Variants in USP26 observed in about 807,000 individuals in gnomAD.
USP26 encodes the protein ubiquitin carboxyl-terminal hydrolase 26.
For synonymous variants in USP26, 236 were observed against 240.6 expected (o/e 0.98, Z 0.18); for missense variants, 649 against 642.3 (o/e 1.01, Z -0.11).
intron 5 of USP26, among the ~76,000 whole-genome samples, chrX:133,073,530 G>A (rs2067537068): frequency 9.1e-6 from 1 of 110,247 alleles, no homozygotes; most frequent in Non-Finnish European, 1.9e-5. Context: ...CAAAGGTAGC[G>A]CTTACTACTT....
intron 5 of USP26, among the ~76,000 whole-genome samples, chrX:133,057,663 T>C (rs2148531739): frequency 9.4e-6 from 1 of 106,221 alleles, no homozygotes; most frequent in African/African-American, 3.4e-5. Flanking sequence ...CTACAGATTT[T>C]GGTAAGTTGT....
intron 5 of USP26, among the ~76,000 whole-genome samples, chrX:133,058,727 C>T (rs770832672): frequency 8.9e-6 from 1 of 112,029 alleles, no homozygotes; most frequent in African/African-American, 3.2e-5. Context: ...CATATTCATA[C>T]AATTCACATT....
chrX:133,077,716 C>T (rs760406949), intron 5 of USP26, among the ~76,000 whole-genome samples: 1 of 111,428 alleles, frequency 9.0e-6, no homozygotes, highest in East Asian at 2.9e-4. Flanking sequence ...TGGGGCGGAT[C>T]CCTCATGAAT....
At chrX:133,034,858 T>C (rs926361345) in intron 5 of USP26, among the ~76,000 whole-genome samples, 1 of 106,923 alleles carries the variant, frequency 9.4e-6, no homozygotes, top group Non-Finnish European at 1.9e-5. Context: ...CCATGTCTCT[T>C]ACAAAAAAAA....
intron 5 of USP26, among the ~76,000 whole-genome samples, chrX:133,081,272 G>T (rs1381260701): frequency 1.1e-5 from 1 of 93,666 alleles, no homozygotes; most frequent in Non-Finnish European, 2.2e-5. Context: ...ATGATAAAAA[G>T]ATGATGATTA....
intron 5 of USP26, among the ~76,000 whole-genome samples, chrX:133,041,639 T>G (rs1342809884): frequency 8.9e-6 from 1 of 112,362 alleles, no homozygotes; most frequent in Non-Finnish European, 1.9e-5. Flanking sequence ...CAACCCCTGT[T>G]GGGAAGTCTC....
At chrX:133,054,090 G>C (rs753697806) in intron 5 of USP26, among the ~76,000 whole-genome samples, 3 of 111,525 alleles carry the variant, frequency 2.7e-5, no homozygotes, top group Non-Finnish European at 5.7e-5. Context: ...CTCTAAGAAT[G>C]TCTGCCTAAT....
At chrX:133,089,005 A>C (rs957964959) in intron 4 of USP26, among the ~76,000 whole-genome samples, 1 of 110,153 alleles carries the variant, frequency 9.1e-6, no homozygotes, top group African/African-American at 3.3e-5. Flanking sequence ...AATAACAACA[A>C]TGATTTCCAC....
intron 5 of USP26, among the ~76,000 whole-genome samples, chrX:133,069,461 G>A (rs1396534754): frequency 9.0e-6 from 1 of 110,948 alleles, no homozygotes; most frequent in Non-Finnish European, 1.9e-5. Context: ...GTGGTGGGGA[G>A]TGCACTGCAG....
rs766272665 is a variant in USP26 at position 133,045,459 on chromosome X, C to T, written c.-76-17163G>A. Among the ~76,000 whole-genome samples, 5 of 112,202 alleles carry T rather than the reference C, an allele frequency of 4.5e-5. No homozygotes were observed. The South Asian group carries it at 1.9e-3, about 42-fold the overall frequency. On this transcript the variant is annotated intron_variant, in intron 5 of 5. Coordinates refer to ENST00000511190, the MANE Select transcript of USP26 (RefSeq NM_031907.3). Reference sequence around the variant, plus strand: ...GGCAACCCACTGGAGTCCTCTTCCACACTGTGGAAACTTTGTTCTTTCACT... The same window carrying T: ...GGCAACCCACTGGAGTCCTCTTCCATACTGTGGAAACTTTGTTCTTTCACT...
Position 133,025,526 on chromosome X carries a change from C to A in USP26, c.2695G>T (p.Ala899Ser), listed in dbSNP as rs755893825. The A allele has an allele frequency of 1.7e-6, 2 of 1,211,274 alleles. No homozygotes were observed. The highest frequency in any genetic ancestry group is 1.1e-6 in the Non-Finnish European group (1 of 895,294). Residue 899 changes from alanine (A) to serine (S), a missense_variant, in exon 6 of 6, where the codon GCC becomes TCC. Transcript: ENST00000511190. ...TCTACCTCCTTGCTATTAAGCTGGGCATTCTCTTCTCTTTTCAACATCTCT... is the reference window on the plus strand; with the variant it reads ...TCTACCTCCTTGCTATTAAGCTGGGAATTCTCTTCTCTTTTCAACATCTCT... ...FEEMLKREEN[A>S]QLNSKEVEET...
At position 133,026,920 on chromosome X, in the gene USP26, AC is replaced by A. The variant is rs1452122298; in HGVS notation, c.1300del (p.Val434SerfsTer7). The A allele has an allele frequency of 9.1e-6, 11 of 1,209,732 alleles. No individual in the cohort carries two copies. The highest frequency in any genetic ancestry group is 1.2e-5 in the Non-Finnish European group (11 of 895,218). On this transcript the variant is annotated frameshift_variant, in exon 6 of 6. Transcript: ENST00000511190. LOFTEE classifies it low-confidence loss of function (END_TRUNC). ...DPDTSGFSCP[V>X]ITNFELELLH... ...CAACTCTAACTCAAAATTAGTAATG[AC>A]AGGGCAAGAAAACCCACTGGTGTCA...
In USP26 at chrX:133,027,952, T is replaced by A. The variant is rs755034437; in HGVS notation, c.269A>T (p.Asp90Val). Residue 90 changes from aspartate (D) to valine (V), a missense_variant, in exon 6 of 6, where the codon GAT (aspartate) becomes GTT (valine). Asp to Val is a radical substitution (Grantham distance 152, BLOSUM62 -3). Transcript: ENST00000511190. Reference protein sequence around the residue: ...GLFIEGLSSTDAEQLKIFLDR... With the variant: ...GLFIEGLSSTVAEQLKIFLDR... The stretch of plus-strand genomic sequence containing the variant: ...CAAGAATATCTTCAATTGTTCAGCA[T>A]CTGTGGAGGATAATCCTTCAATAAA... 1 of 1,211,570 alleles carries A rather than the reference T, an allele frequency of 8.3e-7. No homozygotes were observed. Among genetic ancestry groups the A allele is most frequent in the Admixed American group, 2.2e-5 (1 of 45,973 alleles).
intron 5 of USP26, among the ~76,000 whole-genome samples, chrX:133,069,935 A>G (rs183254153): frequency 2.3e-3 from 262 of 111,836 alleles, no homozygotes; most frequent in African/African-American, 7.7e-3. Context: ...TGTCCTTGTA[A>G]GCATGGAGTC....
chrX:133,058,307 A>T (rs2067483524), intron 5 of USP26, among the ~76,000 whole-genome samples: 1 of 111,063 alleles, frequency 9.0e-6, no homozygotes, highest in African/African-American at 3.3e-5. Flanking sequence ...AAGTTGATTT[A>T]TGGTGCTGTT....
At chrX:133,036,299 A>G (rs1450036171) in intron 5 of USP26, among the ~76,000 whole-genome samples, 1 of 109,581 alleles carries the variant, frequency 9.1e-6, no homozygotes, top group Non-Finnish European at 1.9e-5. Context: ...TGCATTAGGT[A>G]TTTCTCCTAA....
chrX:133,061,148 A>G (rs1401305270), intron 5 of USP26, among the ~76,000 whole-genome samples: 1 of 111,914 alleles, frequency 8.9e-6, no homozygotes, highest in Non-Finnish European at 1.9e-5. Flanking sequence ...AAGTTTGCTC[A>G]TTACCTTGAC....
At chrX:133,073,854 A>G (rs1261890203) in intron 5 of USP26, among the ~76,000 whole-genome samples, 1 of 111,844 alleles carries the variant, frequency 8.9e-6, no homozygotes, top group Non-Finnish European at 1.9e-5. Context: ...TGCAGTTATT[A>G]AACAGAGGTG....
At chrX:133,057,273 T>C (rs2067478670) in intron 5 of USP26, among the ~76,000 whole-genome samples, 1 of 111,654 alleles carries the variant, frequency 9.0e-6, no homozygotes, top group Non-Finnish European at 1.9e-5. Flanking sequence ...AAGTTTTAGA[T>C]TTTCTAAAAC....
Sources: allele counts gnomAD v4.1 joint callset (sites outside exome capture counted in the v4.1 genomes callset), GRCh38; gene constraint gnomAD v4.1.1; transcripts MANE v1.5; gene names NCBI Gene and HGNC (gene_info 2026-07-23, HGNC 2026-07-21).